The following FBXL17 variants were observed in gnomAD, a reference collection of about 807,000 sequenced individuals.
FBXL17 encodes F-box/LRR-repeat protein 17.
Under a neutral mutation model 66.2 loss-of-function variants are expected in FBXL17, and 22 were observed. The observed-to-expected ratio is 0.33, with a 90% CI of 0.24 to 0.47. FBXL17 has a LOEUF of 0.47. Among genes scored for constraint, FBXL17 ranks in the 20% least tolerant of loss-of-function variants. FBXL17 has a pLI of 1.00. For synonymous variants in FBXL17, 474 were observed against 400.5 expected (o/e 1.18, Z -2.19); for missense variants, 878 against 948.2 (o/e 0.93, Z 0.97).
intron 6 of FBXL17, among the ~76,000 whole-genome samples, chr5:108,143,442 G>GTAAC (rs757408047): frequency 1.1e-4 from 16 of 151,904 alleles, no homozygotes; most frequent in Non-Finnish European, 1.9e-4. Flanking sequence ...AACATGAAGT[G>GTAAC]TAACCCAAGG....
chr5:108,174,046 G>C (rs1259352262), intron 6 of FBXL17, among the ~76,000 whole-genome samples: 2 of 152,142 alleles, frequency 1.3e-5, no homozygotes. Flanking sequence ...CATTCAACTG[G>C]AGAAAATGCC....
chr5:108,188,209 G>A (rs1753318038), intron 5 of FBXL17, among the ~76,000 whole-genome samples: 1 of 152,276 alleles, frequency 6.6e-6, no homozygotes, highest in Admixed American at 6.5e-5. Flanking sequence ...TATACAGAGA[G>A]AGTTCATAGA....
intron 5 of FBXL17, among the ~76,000 whole-genome samples, chr5:108,200,306 G>C (rs1753838913): frequency 6.6e-6 from 1 of 152,022 alleles, no homozygotes; most frequent in Non-Finnish European, 1.5e-5. Context: ...TTAGAGAGAA[G>C]AAAGGTTCTG....
chr5:107,878,052 G>T (rs138003765), intron 8 of FBXL17, among the ~76,000 whole-genome samples: 61 of 152,224 alleles, frequency 4.0e-4, no homozygotes, highest in African/African-American at 1.4e-3. Flanking sequence ...CTGCATCCCT[G>T]TGCTGGAGTA....
At chr5:108,247,149 T>C (rs1309402581) in intron 4 of FBXL17, among the ~76,000 whole-genome samples, 1 of 152,124 alleles carries the variant, frequency 6.6e-6, no homozygotes, top group Non-Finnish European at 1.5e-5. Context: ...CACAATAACA[T>C]GAGATAAATG....
rs202213303 is a variant in FBXL17 at position 108,183,596 on chromosome 5, G to A, written c.1745+2521C>T. Among the ~76,000 whole-genome samples the A allele has an allele frequency of 7.9e-5, 12 of 151,874 alleles. No homozygotes were observed. In the East Asian group the frequency reaches 2.3e-3, roughly 29 times the overall value. On this transcript the variant is annotated intron_variant, in intron 6 of 8. Transcript: ENST00000542267. ...AATGTTTCAATTTCAGTAACTTTAG[G>A]GGCACAAGTAGTTTTGGTTACATGG... is the stretch of plus-strand genomic sequence containing the variant.
At chr5:108,275,990 C>T (rs1561501912) in intron 4 of FBXL17, among the ~76,000 whole-genome samples, 1 of 152,048 alleles carries the variant, frequency 6.6e-6, no homozygotes, top group African/African-American at 2.4e-5. Flanking sequence ...TTTGAAGAGA[C>T]ATTATGCATA....
chr5:107,910,941 C>T (rs1168577313), intron 7 of FBXL17, among the ~76,000 whole-genome samples: 2 of 152,054 alleles, frequency 1.3e-5, no homozygotes, highest in South Asian at 4.1e-4. Context: ...ATGGGAAAAT[C>T]TAATGCTATA....
chr5:108,036,480 C>G (rs1423760568), intron 6 of FBXL17, among the ~76,000 whole-genome samples: 1 of 152,158 alleles, frequency 6.6e-6, no homozygotes, highest in African/African-American at 2.4e-5. Flanking sequence ...CATTCCGTAT[C>G]TGGCCCTCAC....
intron 1 of FBXL17, among the ~76,000 whole-genome samples, chr5:108,374,443 A>T (rs553092077): frequency 6.6e-6 from 1 of 152,222 alleles, no homozygotes; most frequent in Non-Finnish European, 1.5e-5. Context: ...AGGCCGAGGG[A>T]GGCAGATCAC....
chr5:107,930,608 C>T (rs1348613765), intron 7 of FBXL17, among the ~76,000 whole-genome samples: 1 of 152,226 alleles, frequency 6.6e-6, no homozygotes, highest in Admixed American at 6.5e-5. Flanking sequence ...GTGGCAGCCC[C>T]AGTGCCCATG....
chr5:108,090,994 T>C (rs1304422289), intron 6 of FBXL17, among the ~76,000 whole-genome samples: 1 of 152,254 alleles, frequency 6.6e-6, no homozygotes, highest in Non-Finnish European at 1.5e-5. Context: ...TTTTTGTTGT[T>C]GTTGTTTCCT....
chr5:108,228,885 T>C (rs768872816), intron 4 of FBXL17, among the ~76,000 whole-genome samples: 65 of 152,184 alleles, frequency 4.3e-4, no homozygotes, highest in Non-Finnish European at 8.8e-4. Context: ...TTAAGGCTCT[T>C]AACCGAGTTG....
intron 4 of FBXL17, among the ~76,000 whole-genome samples, chr5:108,231,887 C>T (rs535669075): frequency 6.6e-6 from 1 of 152,186 alleles, no homozygotes; most frequent in African/African-American, 2.4e-5. Flanking sequence ...TGATTAAGGT[C>T]GATGGGAAAC....
At chr5:108,181,935 G>C (rs1753019745) in intron 6 of FBXL17, among the ~76,000 whole-genome samples, 1 of 152,072 alleles carries the variant, frequency 6.6e-6, no homozygotes, top group Non-Finnish European at 1.5e-5. Context: ...AAAAGCCAAA[G>C]AAAGTCAAAG....
At chr5:107,861,904 C>T in intron 8 of FBXL17, 44 bp from the exon 9 acceptor site, 2 of 1,430,866 alleles carry the variant, frequency 1.4e-6, no homozygotes, top group Non-Finnish European at 1.9e-6. Flanking sequence ...AGACCACCAA[C>T]ACCACGCCGC....
intron 6 of FBXL17, among the ~76,000 whole-genome samples, chr5:108,137,234 T>C (rs6890737): frequency 0.029 from 4,416 of 152,288 alleles, 204 homozygotes; most frequent in African/African-American, 0.1. Flanking sequence ...CTTGTAAGTA[T>C]ACATTATTTC....
Position 108,004,618 on chromosome 5 carries a change from C to T in FBXL17, c.1822+16307G>A, listed in dbSNP as rs544119776. Among the ~76,000 whole-genome samples the T allele has an allele frequency of 3.3e-5, 5 of 152,156 alleles. No individual in the cohort carries two copies. The East Asian group carries it at 9.7e-4, about 29-fold the overall frequency. ...GAGGGAAAGTACTCCAGCCTGGGAT[C>T]GAGGACAGCTTAGTTCTGGTTCTAG... On this transcript the variant is annotated intron_variant, in intron 7 of 8. Transcript: ENST00000542267.
intron 6 of FBXL17, among the ~76,000 whole-genome samples, chr5:108,062,873 C>T (rs1418872740): frequency 6.6e-6 from 1 of 152,078 alleles, no homozygotes; most frequent in Non-Finnish European, 1.5e-5. Flanking sequence ...CCTTTCACCT[C>T]ATTATTATGT....
Sources: gnomAD v4.1 joint callset for allele counts (sites outside exome capture counted in the v4.1 genomes callset) on GRCh38, gnomAD v4.1.1 for gene constraint, MANE v1.5 for transcripts, NCBI Gene and HGNC (gene_info 2026-07-23, HGNC 2026-07-21) for gene names.